Variants in ANKH observed in about 807,000 individuals in gnomAD.
ANKH encodes the protein ANKH inorganic pyrophosphate transport regulator.
Under a neutral mutation model 49.0 loss-of-function variants are expected in ANKH, and 15 were observed. The ratio of observed to expected loss-of-function variants is 0.31; its 90% CI spans 0.20 to 0.47. The LOEUF (loss-of-function observed/expected upper bound fraction) is 0.47. Among genes scored for constraint, ANKH ranks in the 20% least tolerant of loss-of-function variants. The pLI is 1.00. For synonymous variants in ANKH, 273 were observed against 260.0 expected, an observed-to-expected ratio of 1.05 and a Z score of -0.48; for missense variants, 429 against 652.0, an observed-to-expected ratio of 0.66 and a Z score of 3.72.
intron 2 of ANKH, among the ~76,000 whole-genome samples, chr5:14,761,829 A>C (rs917917320): frequency 1.3e-5 from 2 of 151,070 alleles, no homozygotes; most frequent in Admixed American, 1.3e-4. Context: ...GCAGTGGCGC[A>C]ATCTCAGCTC....
chr5:14,855,766 T>C (rs1705120187), intron 1 of ANKH, among the ~76,000 whole-genome samples: 1 of 150,260 alleles, frequency 6.7e-6, no homozygotes, highest in Non-Finnish European at 1.5e-5. Context: ...TAAATATTAG[T>C]AACTCAGTTT....
chr5:14,822,666 C>T (rs747333409), intron 1 of ANKH, among the ~76,000 whole-genome samples: 1 of 152,192 alleles, frequency 6.6e-6, no homozygotes, highest in South Asian at 2.1e-4. Context: ...AGAAATTTCA[C>T]GACCACAGAT....
intron 1 of ANKH, among the ~76,000 whole-genome samples, chr5:14,776,733 GC>G (rs978122695): frequency 4.6e-5 from 7 of 152,320 alleles, no homozygotes; most frequent in African/African-American, 1.7e-4. Flanking sequence ...CATGAATTAG[GC>G]CTCGAGGCAG....
At chr5:14,777,732 G>A (rs1739673213) in intron 1 of ANKH, among the ~76,000 whole-genome samples, 1 of 152,210 alleles carries the variant, frequency 6.6e-6, no homozygotes, top group African/African-American at 2.4e-5. Flanking sequence ...GGGTCCAGGT[G>A]GTAACCCCTC....
rs1335706054 is a variant in ANKH, at chr5:14,737,691, G to A, written c.1011+4136C>T. Among the ~76,000 whole-genome samples, 1 of 152,236 alleles carries A rather than the reference G, an allele frequency of 6.6e-6. No homozygotes were observed. Among genetic ancestry groups the A allele is most frequent in the East Asian group, 1.9e-4 (1 of 5,194 alleles). On this transcript the variant is annotated intron_variant, in intron 8 of 11. Transcript: ENST00000284268. The surrounding 1 kb of genome is among the most constrained non-coding windows in gnomAD (Gnocchi z 5.0). ...ACGTGAAAGCAGACCCTCTGAAGCT[G>A]TTCTTCCAAATGGCTTTATGCCACA... is the stretch of plus-strand genomic sequence containing the variant.
rs1738236999 is a variant in ANKH at position 14,737,884 on chromosome 5, G to C, written c.1011+3943C>G. Among the ~76,000 whole-genome samples, 2 of 152,140 alleles carry C rather than the reference G, an allele frequency of 1.3e-5. No homozygotes were observed. The highest frequency in any genetic ancestry group is 4.1e-4 in the South Asian group (2 of 4,832). On this transcript the variant is annotated intron_variant, in intron 8 of 11. Transcript: ENST00000284268. The surrounding 1 kb of genome is among the most constrained non-coding windows in gnomAD (Gnocchi z 5.0). ...AAGCCAATCTTTTGGATCAACTAAA[G>C]GTACCCCCTTTCTCATCCTCATGCC...
intron 7 of ANKH, among the ~76,000 whole-genome samples, chr5:14,743,248 G>T (rs1738421094): frequency 6.6e-6 from 1 of 152,204 alleles, no homozygotes; most frequent in Admixed American, 6.5e-5. Context: ...ATCTGTTAGA[G>T]GACTGCATTC....
Position 14,757,428 on chromosome 5 carries a change from A to AT in ANKH, c.432+1051dup, listed in dbSNP as rs1482943564. Among the ~76,000 whole-genome samples the AT allele has an allele frequency of 6.9e-3, 883 of 127,944 alleles. 10 individuals carry two copies. Among genetic ancestry groups the AT allele is most frequent in the Admixed American group, 0.029 (359 of 12,298 alleles). The allele number at this position is 127,944 out of a possible 152,430, so 83.9% of individuals were successfully genotyped here. ...CTTATTGGAACATATATATATATATATATTTTTTTTTTTTTTTTTTTGCTA... is the reference window on the plus strand; with the variant it reads ...CTTATTGGAACATATATATATATATATTATTTTTTTTTTTTTTTTTTTGCTA... On this transcript the variant is annotated intron_variant, in intron 3 of 11. Transcript: ENST00000284268.
At chr5:14,803,373 G>C (rs1435670844) in intron 1 of ANKH, among the ~76,000 whole-genome samples, 1 of 152,134 alleles carries the variant, frequency 6.6e-6, no homozygotes, top group Non-Finnish European at 1.5e-5. Flanking sequence ...TCCACCTCCT[G>C]GGTTCAAGCA....
rs77252527 is a variant in ANKH, at chr5:14,769,007, C to T, written c.281G>A (p.Gly94Glu). 1 of 1,614,084 alleles carries T rather than the reference C, an allele frequency of 6.2e-7. No homozygotes were observed. Among genetic ancestry groups the T allele is most frequent in the African/African-American group, 1.3e-5 (1 of 74,916 alleles). ...TKAVLCMVVA[G>E]AIAAVFHTLI... is the part of the protein sequence containing the mutation. ...TGTGTGAAAGACGGCAGCGATGGCC[C>T]CTGCCACCACCATACACAGGACGGC... is the stretch of plus-strand genomic sequence containing the variant. Residue 94 changes from glycine (G) to glutamate (E), a missense_variant, in exon 2 of 12, where the codon GGG (glycine) becomes GAG (glutamate). Transcript: ENST00000284268.
In ANKH at chr5:14,838,281, C is replaced by T. The variant is rs568664435; in HGVS notation, c.96+33071G>A. ...GTATAATAATAAAAAAATTACCTAA[C>T]GCTAAACGACGAGTTAATGGGTGCA... On this transcript the variant is annotated intron_variant, in intron 1 of 11. Transcript: ENST00000284268. Among the ~76,000 whole-genome samples the T allele has an allele frequency of 6.3e-5, 9 of 143,898 alleles. No homozygotes were observed. In the East Asian group the frequency reaches 1.4e-3, roughly 23 times the overall value. 94.4% of individuals were successfully genotyped at this position (143,898 alleles called of 152,430 possible). A position where few individuals can be genotyped will look rare whatever the true frequency, so the allele number is the denominator to read the frequency against.
At position 14,758,685 on chromosome 5, in the gene ANKH, T is replaced by C. The variant is rs1738980346; in HGVS notation, c.314-87A>G. On this transcript the variant is annotated intron_variant, in intron 2 of 11. Transcript: ENST00000284268. ...TGTTTCAAAAGCTTAAAAACAATTT[T>C]AAATGTAGTATTTGTTCGTCATAGA... 6 of 1,014,034 alleles carry C rather than the reference T, an allele frequency of 5.9e-6. No individual in the cohort carries two copies. In the Admixed American group the frequency reaches 1.0e-4, roughly 18 times the overall value. 62.8% of individuals were successfully genotyped at this position (1,014,034 alleles called of 1,614,324 possible).
At chr5:14,772,079 T>C (rs1421651640) in intron 1 of ANKH, among the ~76,000 whole-genome samples, 2 of 151,746 alleles carry the variant, frequency 1.3e-5, no homozygotes, top group Non-Finnish European at 2.9e-5. Context: ...TGAAAGGAGG[T>C]ATTTCATGTT....
chr5:14,860,233 C>A (rs947536305), intron 1 of ANKH, among the ~76,000 whole-genome samples: 1 of 152,208 alleles, frequency 6.6e-6, no homozygotes, highest in African/African-American at 2.4e-5. Context: ...GAGGGAGGGA[C>A]ATTCGAACAC....
intron 2 of ANKH, among the ~76,000 whole-genome samples, chr5:14,763,596 G>A (rs116805511): frequency 0.011 from 1,683 of 152,304 alleles, 35 homozygotes; most frequent in African/African-American, 0.038. Flanking sequence ...CACAATGTAA[G>A]TCAAGTAATT....
chr5:14,720,268 G>T (rs537567606), intron 8 of ANKH, among the ~76,000 whole-genome samples: 146 of 152,276 alleles, frequency 9.6e-4, no homozygotes, highest in African/African-American at 3.4e-3. Flanking sequence ...CTTGATGACA[G>T]TACTCACACC....
intron 1 of ANKH, chr5:14,869,019 G>A (rs1381070719): frequency 6.6e-6 from 1 of 152,152 alleles, no homozygotes; most frequent in Non-Finnish European, 1.5e-5. Flanking sequence ...CTCCCAGCAA[G>A]GTGTAATACA....
intron 1 of ANKH, among the ~76,000 whole-genome samples, chr5:14,789,826 T>C (rs1740104807): frequency 6.6e-6 from 1 of 152,160 alleles, no homozygotes; most frequent in Non-Finnish European, 1.5e-5. Context: ...TTATCCAGCC[T>C]CAGTCTCCCC....
intron 1 of ANKH, among the ~76,000 whole-genome samples, chr5:14,804,052 T>G (rs1467445313): frequency 6.6e-6 from 1 of 152,096 alleles, no homozygotes; most frequent in Admixed American, 6.5e-5. Context: ...CGTGCCACCA[T>G]GCCTGGCTAA....
Sources: allele counts gnomAD v4.1 joint callset (sites outside exome capture counted in the v4.1 genomes callset), GRCh38; gene constraint gnomAD v4.1.1; non-coding constraint Gnocchi (gnomAD v3.1); transcripts MANE v1.5; gene names NCBI Gene and HGNC (gene_info 2026-07-23, HGNC 2026-07-21).